The following CELSR1 variants were observed in gnomAD, a reference collection of about 807,000 sequenced individuals.
CELSR1 encodes the protein cadherin EGF LAG seven-pass G-type receptor 1.
A neutral mutation model predicts 249.1 loss-of-function variants in CELSR1; 110 were observed. The ratio of observed to expected loss-of-function variants is 0.44; its 90% CI spans 0.38 to 0.52. The LOEUF (loss-of-function observed/expected upper bound fraction) is 0.52, where lower values mean the gene tolerates loss of function less well. Among genes scored for constraint, CELSR1 ranks in the 20% least tolerant of loss-of-function variants. CELSR1 has a pLI of 0.00. For synonymous variants in CELSR1, 2,113 were observed against 1,900.0 expected, an observed-to-expected ratio of 1.11 and a Z score of -2.92; for missense variants, 4,109 against 4,296.4, an observed-to-expected ratio of 0.96 and a Z score of 1.22.
At position 46,399,736 on chromosome 22, in the gene CELSR1, A is replaced by G. The variant is rs1366068059; in HGVS notation, c.5393T>C (p.Leu1798Ser). Residue 1798 changes from leucine to serine, a missense_variant, in exon 10 of 35, where the codon TTG (leucine) becomes TCG (serine). This residue lies in a region of CELSR1 where 1,805 missense variants were observed against 1,831.6 expected (regional missense o/e 0.99). Transcript: ENST00000674500. This position sits in a 1 kb window ranked among gnomAD's most constrained non-coding sequence, Gnocchi z 5.0. Reference sequence around the variant, plus strand: ...GCTCACCTGGTCCATCCCATAGTCCAAGGTCATGGTGACCAGGTGCTTCAT... The same window carrying G: ...GCTCACCTGGTCCATCCCATAGTCCGAGGTCATGGTGACCAGGTGCTTCAT... ...SEMKHLVTMT[L>S]DYGMDQNKAD... is the part of the protein sequence containing the mutation. 1 of 1,613,886 alleles carries G rather than the reference A, an allele frequency of 6.2e-7. No homozygotes were observed. The highest frequency in any genetic ancestry group is 2.2e-5 in the East Asian group (1 of 44,894).
Position 46,391,914 on chromosome 22 carries a change from T to C in CELSR1, c.5965-98A>G. Reference sequence around the variant, plus strand: ...AGCGACGTCCAGACTCCCACCCGGGTGTGTGTGTTGGCCGCCAGCCATCCC... The same window carrying C: ...AGCGACGTCCAGACTCCCACCCGGGCGTGTGTGTTGGCCGCCAGCCATCCC... On this transcript the variant is annotated intron_variant, in intron 14 of 34. Coordinates refer to ENST00000674500, the MANE Select transcript of CELSR1 (RefSeq NM_001378328.1). The surrounding 1 kb of genome is among the most constrained non-coding windows in gnomAD (Gnocchi z 4.3). 7.7e-7 allele frequency: 1 copy of C among 1,301,578 alleles called. No individual in the cohort carries two copies. Among genetic ancestry groups the C allele is most frequent in the Non-Finnish European group, 1.0e-6 (1 of 952,996 alleles). The allele number at this position is 1,301,578 out of a possible 1,614,324, so 80.6% of individuals were successfully genotyped here. A position where few individuals can be genotyped will look rare whatever the true frequency, so the allele number is the denominator to read the frequency against.
At chr22:46,458,661 C>A (rs2079984648) in intron 2 of CELSR1, among the ~76,000 whole-genome samples, 1 of 152,178 alleles carries the variant, frequency 6.6e-6, no homozygotes, top group Non-Finnish European at 1.5e-5. Flanking sequence ...AGGCCCGGGG[C>A]ATCTGACCCT....
chr22:46,390,294 A>G lies in CELSR1; in HGVS notation c.6345+98T>C, dbSNP rs1433484729. On this transcript the variant is annotated intron_variant, in intron 17 of 34. Transcript: ENST00000674500. The surrounding 1 kb of genome is among the most constrained non-coding windows in gnomAD (Gnocchi z 6.3). ...CCTGCGCCATCCCAGCCGCCCCAAC[A>G]CTCCCCAGCCCAGGAGCCTCGGCCC... 2.0e-6 allele frequency: 2 copies of G among 1,004,846 alleles called. No individual in the cohort carries two copies. The highest frequency in any genetic ancestry group is 2.5e-5 in the Admixed American group (1 of 40,018). The allele number at this position is 1,004,846 out of a possible 1,614,324, so 62.2% of individuals were successfully genotyped here.
rs1281174308 is a variant in CELSR1 at position 46,441,455 on chromosome 22, G to A, written c.4184-2044C>T. On this transcript the variant is annotated intron_variant, in intron 2 of 34. Transcript: ENST00000674500. This position sits in a 1 kb window ranked among gnomAD's most constrained non-coding sequence, Gnocchi z 6.1. ...ACAGACAGAATGAAAACACACTTAC[G>A]ACGCCTCAGTCTGCTTGGGCTGCCA... Among the ~76,000 whole-genome samples, 1 of 152,052 alleles carries A rather than the reference G, an allele frequency of 6.6e-6. No individual in the cohort carries two copies.
intron 25 of CELSR1, among the ~76,000 whole-genome samples, chr22:46,370,828 C>G (rs947589594): frequency 4.6e-5 from 7 of 152,230 alleles, no homozygotes; most frequent in Admixed American, 4.6e-4. Context: ...GCAGCTCAGT[C>G]TGAGGCTCCC....
intron 14 of CELSR1, 43 bp downstream of exon 14, chr22:46,394,099 T>A: frequency 6.3e-7 from 1 of 1,596,332 alleles, no homozygotes; most frequent in East Asian, 2.2e-5. Context: ...TGCATGTGTG[T>A]GAGCAAACAC....
intron 1 of CELSR1, among the ~76,000 whole-genome samples, chr22:46,519,602 T>C (rs1189347471): frequency 1.3e-5 from 2 of 152,130 alleles, no homozygotes; most frequent in African/African-American, 4.8e-5. Context: ...TCTCCCTTCC[T>C]GGGCGGGGTT....
At chr22:46,530,200 T>C (rs1253255879) in intron 1 of CELSR1, 1 of 151,886 alleles carries the variant, frequency 6.6e-6, no homozygotes, top group Non-Finnish European at 1.5e-5. Flanking sequence ...TGAGCTGAGA[T>C]CAAGGCTGAC....
Position 46,386,203 on chromosome 22 carries a change from C to T in CELSR1, c.6739+199G>A, listed in dbSNP as rs927037785. 2.0e-5 allele frequency among the ~76,000 whole-genome samples: 3 copies of T among 152,218 alleles called. No homozygotes were observed. In the East Asian group the frequency reaches 5.8e-4, roughly 29 times the overall value. On this transcript the variant is annotated intron_variant, in intron 19 of 34. Transcript: ENST00000674500. Reference sequence around the variant, plus strand: ...CAGGCTGGTCTCCAACTCCTGACCTCATGTGGTCTGCCTGTCCCGATCTCC... The same window carrying T: ...CAGGCTGGTCTCCAACTCCTGACCTTATGTGGTCTGCCTGTCCCGATCTCC...
In CELSR1 at chr22:46,408,789, C is replaced by G. The variant is rs1334538735; in HGVS notation, c.5226+207G>C. Among the ~76,000 whole-genome samples, 1 of 152,220 alleles carries G rather than the reference C, an allele frequency of 6.6e-6. No individual in the cohort carries two copies. Among genetic ancestry groups the G allele is most frequent in the East Asian group, 1.9e-4 (1 of 5,196 alleles). On this transcript the variant is annotated intron_variant, in intron 9 of 34. Transcript: ENST00000674500. This position sits in a 1 kb window ranked among gnomAD's most constrained non-coding sequence, Gnocchi z 4.6. ...GCTCTGCTGGGCCCCAGGGTTGGCC[C>G]AGCCCCATGCTCCCTCGCTGTCTCC...
At chr22:46,498,992 C>A (rs2080441292) in intron 1 of CELSR1, among the ~76,000 whole-genome samples, 1 of 151,766 alleles carries the variant, frequency 6.6e-6, no homozygotes, top group East Asian at 1.9e-4. Flanking sequence ...CCAGCCTGGC[C>A]AACATGGTGA....
rs2147694867 is a variant in CELSR1, at chr22:46,490,238, C to A, written c.3545-25893G>T. 6.6e-6 allele frequency among the ~76,000 whole-genome samples: 1 copy of A among 152,258 alleles called. No individual in the cohort carries two copies. The highest frequency in any genetic ancestry group is 1.9e-4 in the East Asian group (1 of 5,180). The stretch of plus-strand genomic sequence containing the variant: ...TAATTTCCATCTCATGAGACAGGAG[C>A]CAAAAGAGGGATTCCCCAGGGTCAC... On this transcript the variant is annotated intron_variant, in intron 1 of 34. Transcript: ENST00000674500. The surrounding 1 kb of genome is among the most constrained non-coding windows in gnomAD (Gnocchi z 5.2).
In CELSR1 at chr22:46,428,017, G is replaced by A. The variant is rs2079554660; in HGVS notation, c.4611+5376C>T. On this transcript the variant is annotated intron_variant, in intron 5 of 34. Coordinates refer to ENST00000674500, the MANE Select transcript of CELSR1 (RefSeq NM_001378328.1). The surrounding 1 kb of genome is among the most constrained non-coding windows in gnomAD (Gnocchi z 5.7). Reference sequence around the variant, plus strand: ...GGTTTAATGTGCAGCACAGACCCAAGAGGTTTTGAATGACCTGACAAGCAA... The same window carrying A: ...GGTTTAATGTGCAGCACAGACCCAAAAGGTTTTGAATGACCTGACAAGCAA... Among the ~76,000 whole-genome samples the A allele has an allele frequency of 6.6e-6, 1 of 152,174 alleles. No individual in the cohort carries two copies. Among genetic ancestry groups the A allele is most frequent in the African/African-American group, 2.4e-5 (1 of 41,442 alleles).
At position 46,454,460 on chromosome 22, in the gene CELSR1, C is replaced by G. The variant is rs112036846; in HGVS notation, c.4183+9247G>C. ...AGACGCCCATGACCCGCAGCCAGCC[C>G]GGCCAGGCAGCCTTGTCTCCCCTCA... is the stretch of plus-strand genomic sequence containing the variant. On this transcript the variant is annotated intron_variant, in intron 2 of 34. Transcript: ENST00000674500. This position sits in a 1 kb window ranked among gnomAD's most constrained non-coding sequence, Gnocchi z 5.1. 6.6e-6 allele frequency among the ~76,000 whole-genome samples: 1 copy of G among 152,198 alleles called. No homozygotes were observed. Among genetic ancestry groups the G allele is most frequent in the Non-Finnish European group, 1.5e-5 (1 of 68,026 alleles).
Position 46,535,573 on chromosome 22 carries a change from C to A in CELSR1, c.1598G>T (p.Ser533Ile). 1 of 1,613,440 alleles carries A rather than the reference C, an allele frequency of 6.2e-7. No individual in the cohort carries two copies. The highest frequency in any genetic ancestry group is 1.3e-5 in the African/African-American group (1 of 75,060). Reference sequence around the variant, plus strand: ...CCGGCCCCCATCCTGGGCCTTAATGCTCAGCGAGTATTTCTGGACATCCTC... The same window carrying A: ...CCGGCCCCCATCCTGGGCCTTAATGATCAGCGAGTATTTCTGGACATCCTC... ...DFEDVQKYSLSIKAQDGGRPP... is the reference protein window; with the variant it reads ...DFEDVQKYSLIIKAQDGGRPP... Residue 533 changes from serine to isoleucine, a missense_variant, in exon 1 of 35, where the codon AGC becomes ATC. Coordinates refer to ENST00000674500, the MANE Select transcript of CELSR1 (RefSeq NM_001378328.1).
chr22:46,519,383 T>C (rs1046881185), intron 1 of CELSR1, among the ~76,000 whole-genome samples: 5 of 152,254 alleles, frequency 3.3e-5, no homozygotes, highest in African/African-American at 1.2e-4. Flanking sequence ...TGAACCAGCG[T>C]GTGTACTGGT....
chr22:46,392,690 G>A (rs1199098432), intron 14 of CELSR1, among the ~76,000 whole-genome samples: 1 of 152,068 alleles, frequency 6.6e-6, no homozygotes, highest in Non-Finnish European at 1.5e-5. Context: ...CTGAGTAGCT[G>A]GGATCACAGG....
rs373262247 is a variant in CELSR1, at chr22:46,511,776, T to C, written c.3544+21851A>G. ...GCAGAAGAAGAGTAAGAGGGTGAGA[T>C]GAGGGAAGGAGGTGTCTCCCTGGTA... is the stretch of plus-strand genomic sequence containing the variant. On this transcript the variant is annotated intron_variant, in intron 1 of 34. Coordinates refer to ENST00000674500, the MANE Select transcript of CELSR1 (RefSeq NM_001378328.1). Among the ~76,000 whole-genome samples the C allele has an allele frequency of 2.0e-5, 3 of 152,086 alleles. No homozygotes were observed. The East Asian group carries it at 5.8e-4, about 29-fold the overall frequency.
chr22:46,514,713 C>T (rs1221383666), intron 1 of CELSR1, among the ~76,000 whole-genome samples: 1 of 152,174 alleles, frequency 6.6e-6, no homozygotes. Flanking sequence ...AGGGCCGAGG[C>T]TCACGGCTGG....
Sources: allele counts gnomAD v4.1 joint callset (sites outside exome capture counted in the v4.1 genomes callset), GRCh38; gene constraint gnomAD v4.1.1; regional missense constraint gnomAD v4.1.1; non-coding constraint Gnocchi (gnomAD v3.1); transcripts MANE v1.5; gene names NCBI Gene and HGNC (gene_info 2026-07-23, HGNC 2026-07-21).